The following C13orf46 variants were observed in gnomAD, a reference collection of about 807,000 sequenced individuals.
C13orf46 encodes the protein chromosome 13 open reading frame 46.
the C13orf46 span, among the ~76,000 whole-genome samples, chr13:113,934,090 C>T: frequency 2.0e-5 from 3 of 152,138 alleles, no homozygotes; most frequent in South Asian, 2.1e-4. Context: ...CAGCACCCGC[C>T]GGCGTCACTC....
At chr13:113,969,759 T>C (rs2052684455) in intron 2 of C13orf46, among the ~76,000 whole-genome samples, 1 of 152,182 alleles carries the variant, frequency 6.6e-6, no homozygotes, top group African/African-American at 2.4e-5. Context: ...GGGGATGTGC[T>C]GTCCAGGGCC....
At chr13:113,933,581 CAATCTGGGGAGA>C in the C13orf46 span, among the ~76,000 whole-genome samples, 1 of 152,166 alleles carries the variant, frequency 6.6e-6, no homozygotes, top group African/African-American at 2.4e-5. Context: ...TTCTGGAGAT[CAATCTGGGGAGA>C]GTTGGCATCT....
At chr13:113,952,248 C>T (rs986484371), downstream of C13orf46, among the ~76,000 whole-genome samples, 3 of 152,136 alleles carry the variant, frequency 2.0e-5, no homozygotes, top group African/African-American at 4.8e-5. Context: ...GGAACTGCGC[C>T]GGCTCAGGGT....
chr13:113,952,604 G>C (rs1425409452), downstream of C13orf46, among the ~76,000 whole-genome samples: 4 of 152,230 alleles, frequency 2.6e-5, no homozygotes, highest in African/African-American at 9.6e-5. Context: ...GGCAACGGGG[G>C]CCACCACCCC....
chr13:113,928,568 G>A, the C13orf46 span: 2 of 152,616 alleles, frequency 1.3e-5, no homozygotes, highest in East Asian at 1.9e-4. Context: ...CCCCACCCTC[G>A]CTGCATCACC....
At position 113,953,715 on chromosome 13, in the gene C13orf46, T is replaced by G. The variant is rs976260526; in HGVS notation, c.*3058A>C. 1.3e-5 allele frequency: 2 copies of G among 152,266 alleles called. No individual in the cohort carries two copies. The highest frequency in any genetic ancestry group is 4.8e-5 in the African/African-American group (2 of 41,474). The allele number at this position is 152,266 out of a possible 1,614,324, so 9.4% of individuals were successfully genotyped here. ...ACGAATACACGGGTGGACAGACTCA[T>G]GCCGATGTTTGCTCTGTGGGGGAGG... On this transcript the variant is annotated 3_prime_UTR_variant, in exon 7 of 7. Coordinates refer to ENST00000636427, the MANE Select transcript of C13orf46 (RefSeq NM_001365455.2).
chr13:113,931,283 C>A, the C13orf46 span, among the ~76,000 whole-genome samples: 1 of 152,218 alleles, frequency 6.6e-6, no homozygotes, highest in African/African-American at 2.4e-5. Flanking sequence ...GCCTGGCTTC[C>A]CTTTAACCAC....
downstream of C13orf46, among the ~76,000 whole-genome samples, chr13:113,949,467 G>C (rs2052480897): frequency 6.6e-6 from 1 of 152,228 alleles, no homozygotes; most frequent in African/African-American, 2.4e-5. Flanking sequence ...GTCAGTGTCA[G>C]AAGAGTGTGT....
intron 6 of C13orf46, among the ~76,000 whole-genome samples, chr13:113,961,276 TA>T (rs1300810869): frequency 2.6e-5 from 4 of 152,178 alleles, no homozygotes; most frequent in African/African-American, 9.6e-5. Flanking sequence ...ATAAATGTTC[TA>T]AAAATTACAT....
At chr13:113,970,017 G>A (rs1005761028) in intron 2 of C13orf46, among the ~76,000 whole-genome samples, 154 bp downstream of exon 2, 91 of 152,168 alleles carry the variant, frequency 6.0e-4, no homozygotes, top group Non-Finnish European at 1.8e-4. Flanking sequence ...CAGGCCCTGC[G>A]CGGGGTCTTC....
downstream of C13orf46, among the ~76,000 whole-genome samples, chr13:113,952,556 T>TG (rs1352281370): frequency 3.3e-5 from 5 of 152,258 alleles, no homozygotes; most frequent in African/African-American, 1.2e-4. Flanking sequence ...CAGGGGCCAG[T>TG]GGGGACTGAG....
the C13orf46 span, chr13:113,927,757 T>C: frequency 2.5e-6 from 1 of 396,740 alleles, no homozygotes; most frequent in Non-Finnish European, 4.4e-6. Flanking sequence ...ACCTCACTCC[T>C]GGCAGACAGA....
At chr13:113,938,805 T>C in the C13orf46 span, among the ~76,000 whole-genome samples, 1 of 152,292 alleles carries the variant, frequency 6.6e-6, no homozygotes, top group South Asian at 2.1e-4. Context: ...CTCCAGGTTT[T>C]GCTCAAACTT....
chr13:113,940,172 T>C, the C13orf46 span, among the ~76,000 whole-genome samples: 304 of 152,338 alleles, frequency 2.0e-3, 2 homozygotes, highest in Middle Eastern at 0.01. Flanking sequence ...ATTTGGCTCC[T>C]CTTACTACTG....
At chr13:113,952,256 G>T (rs2052492008), downstream of C13orf46, among the ~76,000 whole-genome samples, 1 of 152,164 alleles carries the variant, frequency 6.6e-6, no homozygotes, top group African/African-American at 2.4e-5. Context: ...GCCGGCTCAG[G>T]GTCTGTGCTG....
chr13:113,933,517 A>C, the C13orf46 span, among the ~76,000 whole-genome samples: 6 of 152,194 alleles, frequency 3.9e-5, no homozygotes, highest in Non-Finnish European at 5.9e-5. Flanking sequence ...CCTTAGAATT[A>C]GCTTACCAAT....
intron 6 of C13orf46, among the ~76,000 whole-genome samples, chr13:113,960,502 C>T (rs2052578787): frequency 6.6e-6 from 1 of 152,326 alleles, no homozygotes; most frequent in East Asian, 1.9e-4. Flanking sequence ...AGCTCTTTCT[C>T]CCCTTAAGAA....
downstream of C13orf46, among the ~76,000 whole-genome samples, chr13:113,951,475 C>G (rs1427302754): frequency 7.9e-5 from 12 of 152,184 alleles, no homozygotes; most frequent in Admixed American, 7.8e-4. Context: ...CCACTCCCCC[C>G]CGCCGCCACC....
the C13orf46 span, chr13:113,927,604 G>T: frequency 1.0e-5 from 4 of 398,586 alleles, no homozygotes; most frequent in Admixed American, 1.8e-4. Flanking sequence ...CTACGGTGGG[G>T]AGTGAGCCTT....
Sources: gnomAD v4.1 joint callset for allele counts (sites outside exome capture counted in the v4.1 genomes callset) on GRCh38, gnomAD v4.1.1 for gene constraint, MANE v1.5 for transcripts, NCBI Gene and HGNC (gene_info 2026-07-23, HGNC 2026-07-21) for gene names.